SYT1: variants seen among roughly 807,000 people sequenced by gnomAD.
The protein encoded by SYT1 is synaptotagmin-1.
In SYT1, 8 loss-of-function variants were observed where a neutral mutation model predicts 44.8. The ratio of observed to expected loss-of-function variants is 0.18; its 90% CI spans 0.10 to 0.32. The LOEUF (loss-of-function observed/expected upper bound fraction) is 0.32, where lower values mean the gene tolerates loss of function less well. SYT1 is among the 10% of genes least tolerant of loss of function. The pLI is 1.00. For missense variants in SYT1, 286 were observed against 509.3 expected, an observed-to-expected ratio of 0.56 and a Z score of 4.22; for synonymous variants, 154 against 188.8, an observed-to-expected ratio of 0.82 and a Z score of 1.51.
chr12:79,293,896 A>T (rs1879758124), intron 6 of SYT1, among the ~76,000 whole-genome samples: 1 of 152,170 alleles, frequency 6.6e-6, no homozygotes, highest in African/African-American at 2.4e-5. Context: ...TACATCTGAT[A>T]TTTGTGGTCA....
At chr12:79,132,127 A>G (rs1868863749) in intron 3 of SYT1, among the ~76,000 whole-genome samples, 1 of 152,190 alleles carries the variant, frequency 6.6e-6, no homozygotes, top group Non-Finnish European at 1.5e-5. Context: ...ATTAAAAAGT[A>G]TGCAAAGGAC....
At position 79,353,612 on chromosome 12, in the gene SYT1, C is replaced by T; in HGVS notation, c.921C>T (p.Gly307=). ...AKNLKKMDVG[G]LSDPYVKIHL... is the part of the protein sequence containing the mutation. ...ACCTGAAGAAGATGGATGTGGGTGG[C>T]TTATCCGGTAAGCCTGCAGTGTTTA... Residue 307 remains glycine, a synonymous_variant, in exon 9 of 11, where the codon GGC becomes GGT. Transcript: ENST00000261205. 1 of 1,612,770 alleles carries T rather than the reference C, an allele frequency of 6.2e-7. No individual in the cohort carries two copies. The highest frequency in any genetic ancestry group is 8.5e-7 in the Non-Finnish European group (1 of 1,178,778).
chr12:79,096,952 A>C (rs1489122127), intron 3 of SYT1, among the ~76,000 whole-genome samples: 1 of 152,020 alleles, frequency 6.6e-6, no homozygotes, highest in Non-Finnish European at 1.5e-5. Context: ...TGACAAGTAC[A>C]GAAGGGCACA....
Position 78,962,337 on chromosome 12 carries a change from T to C in SYT1, c.-216-15462T>C, listed in dbSNP as rs1326996429. On this transcript the variant is annotated intron_variant, in intron 1 of 10. Transcript: ENST00000261205. Reference sequence around the variant, plus strand: ...ATCATTCAATAGCATTCTTTCTTTTTTTTTTTTTTTTTTTGAGTCTTATAA... The same window carrying C: ...ATCATTCAATAGCATTCTTTCTTTTCTTTTTTTTTTTTTTGAGTCTTATAA... 7.7e-3 allele frequency among the ~76,000 whole-genome samples: 1,154 copies of C among 150,752 alleles called. 7 individuals are homozygous for C. Among genetic ancestry groups the C allele is most frequent in the Non-Finnish European group, 0.011 (761 of 67,672 alleles).
intron 3 of SYT1, among the ~76,000 whole-genome samples, chr12:79,192,544 C>G (rs1235597386): frequency 6.6e-6 from 1 of 152,102 alleles, no homozygotes; most frequent in Admixed American, 6.6e-5. Flanking sequence ...TGGAAGTTTA[C>G]TATCGTTAAT....
chr12:79,327,806 C>G (rs568514672), intron 8 of SYT1, among the ~76,000 whole-genome samples: 10 of 152,160 alleles, frequency 6.6e-5, no homozygotes, highest in African/African-American at 2.4e-4. Context: ...TAAAGGATGA[C>G]TAGGAATTCA....
At position 79,172,969 on chromosome 12, in the gene SYT1, CAAAAAAAAAAAAAAAAAAAAAA is replaced by C. The variant is rs200575966; in HGVS notation, c.-17-44518_-17-44497del. ...TTCAGGTTACTAGAGTTCCTGCTCT[CAAAAAAAAAAAAAAAAAAAAAA>C]AAAAAAAAAAAAAAAGGGAGTTTGG... On this transcript the variant is annotated intron_variant, in intron 3 of 10. Coordinates refer to ENST00000261205, the MANE Select transcript of SYT1 (RefSeq NM_005639.3). Among the ~76,000 whole-genome samples the C allele has an allele frequency of 5.1e-4, 8 of 15,728 alleles. No homozygotes were observed. In the South Asian group the frequency reaches 0.024, roughly 47 times the overall value. 10.3% of individuals were successfully genotyped at this position (15,728 alleles called of 152,430 possible).
chr12:78,880,653 TG>T (rs2137054778), intron 1 of SYT1, among the ~76,000 whole-genome samples: 1 of 151,638 alleles, frequency 6.6e-6, no homozygotes, highest in African/African-American at 2.4e-5. Flanking sequence ...TCTCATCCAA[TG>T]AAAAAAATAT....
At chr12:79,243,367 C>G (rs1256166445) in intron 4 of SYT1, among the ~76,000 whole-genome samples, 1 of 152,132 alleles carries the variant, frequency 6.6e-6, no homozygotes, top group Non-Finnish European at 1.5e-5. Context: ...AGCAAAACAT[C>G]AAGTACAGGG....
intron 2 of SYT1, among the ~76,000 whole-genome samples, chr12:79,037,576 C>T (rs1237968599): frequency 6.6e-6 from 1 of 151,624 alleles, no homozygotes; most frequent in African/African-American, 2.4e-5. Context: ...GGCTTGTAGA[C>T]TTATGCCTCT....
intron 3 of SYT1, among the ~76,000 whole-genome samples, chr12:79,172,499 T>G (rs1324495955): frequency 6.6e-6 from 1 of 151,992 alleles, no homozygotes; most frequent in East Asian, 1.9e-4. Context: ...GTTAAATCTT[T>G]TTTGAGCTTT....
chr12:79,016,803 A>G (rs1871835829), intron 2 of SYT1, among the ~76,000 whole-genome samples: 1 of 152,178 alleles, frequency 6.6e-6, no homozygotes, highest in Non-Finnish European at 1.5e-5. Flanking sequence ...GTAACAGTTT[A>G]ATAAATAACT....
At chr12:79,125,092 C>T (rs946039891) in intron 3 of SYT1, among the ~76,000 whole-genome samples, 7 of 151,978 alleles carry the variant, frequency 4.6e-5, no homozygotes, top group East Asian at 1.9e-4. Context: ...TGCATCCTTG[C>T]GTCTTTTTAT....
At chr12:79,025,420 C>T (rs117470565) in intron 2 of SYT1, among the ~76,000 whole-genome samples, 8 of 151,680 alleles carry the variant, frequency 5.3e-5, no homozygotes, top group African/African-American at 1.4e-4. Flanking sequence ...TTATATTGAA[C>T]CTTGTTGTTT....
chr12:79,097,067 T>C (rs79550801), intron 3 of SYT1, among the ~76,000 whole-genome samples: 3,753 of 152,032 alleles, frequency 0.025, 125 homozygotes, highest in South Asian at 0.11. Flanking sequence ...GAGAAGATAA[T>C]ATACCTGATT....
intron 3 of SYT1, among the ~76,000 whole-genome samples, chr12:79,179,134 A>C (rs868031129): frequency 8.5e-6 from 1 of 118,062 alleles, no homozygotes; most frequent in African/African-American, 3.4e-5. Context: ...ATAGATATAT[A>C]GATATAGATA....
At chr12:79,131,876 T>G (rs1868844100) in intron 3 of SYT1, among the ~76,000 whole-genome samples, 1 of 152,182 alleles carries the variant, frequency 6.6e-6, no homozygotes, top group African/African-American at 2.4e-5. Flanking sequence ...ATGTGGTTAA[T>G]TCGAGTAAAG....
At chr12:79,276,978 A>T (rs1456432120) in intron 4 of SYT1, among the ~76,000 whole-genome samples, 2 of 151,608 alleles carry the variant, frequency 1.3e-5, no homozygotes, top group Non-Finnish European at 2.9e-5. Context: ...GAGGAAGAGG[A>T]GGAGGAGGAG....
chr12:79,218,430 T>C (rs1209806350), intron 4 of SYT1, among the ~76,000 whole-genome samples: 4 of 152,194 alleles, frequency 2.6e-5, no homozygotes, highest in Non-Finnish European at 5.9e-5. Context: ...AATATCATGT[T>C]GTAGACATAA....
Sources: gnomAD v4.1 joint callset for allele counts (sites outside exome capture counted in the v4.1 genomes callset) on GRCh38, gnomAD v4.1.1 for gene constraint, MANE v1.5 for transcripts, NCBI Gene and HGNC (gene_info 2026-07-23, HGNC 2026-07-21) for gene names.